The following ANKRD17 variants were observed in gnomAD, a reference collection of about 807,000 sequenced individuals.
ANKRD17 encodes ankyrin repeat domain 17.
A neutral mutation model predicts 229.7 loss-of-function variants in ANKRD17; 19 were observed. The ratio of observed to expected loss-of-function variants is 0.08; its 90% CI spans 0.06 to 0.12. The LOEUF (loss-of-function observed/expected upper bound fraction) is 0.12. Ranked by LOEUF, ANKRD17 falls within the 10% of genes least tolerant of loss-of-function variation. The pLI, the probability that ANKRD17 is intolerant of heterozygous loss-of-function variation, is 1.00. For synonymous variants in ANKRD17, 1,112 were observed against 1,146.1 expected, an observed-to-expected ratio of 0.97 and a Z score of 0.60; for missense variants, 2,176 against 3,176.8, an observed-to-expected ratio of 0.68 and a Z score of 7.57.
chr4:73,205,434 ATC>A (rs745809539), intron 1 of ANKRD17, among the ~76,000 whole-genome samples: 34 of 152,244 alleles, frequency 2.2e-4, no homozygotes, highest in Non-Finnish European at 4.9e-4. Context: ...CCAGAAATCA[ATC>A]TACCCATTTT....
chr4:73,200,399 C>A (rs1738497458), intron 1 of ANKRD17, among the ~76,000 whole-genome samples: 1 of 152,014 alleles, frequency 6.6e-6, no homozygotes, highest in Non-Finnish European at 1.5e-5. Flanking sequence ...AAGTGTAAGA[C>A]GAGCCTGAGT....
At chr4:73,209,447 C>A (rs1196124807) in intron 1 of ANKRD17, among the ~76,000 whole-genome samples, 1 of 152,046 alleles carries the variant, frequency 6.6e-6, no homozygotes, top group African/African-American at 2.4e-5. Flanking sequence ...TTTATCAAAT[C>A]TGACAGAAAA....
chr4:73,244,631 A>G (rs1244635247), intron 1 of ANKRD17, among the ~76,000 whole-genome samples: 1 of 152,152 alleles, frequency 6.6e-6, no homozygotes, highest in Non-Finnish European at 1.5e-5. Flanking sequence ...CCTCTGGAGT[A>G]GCACATAAAA....
At position 73,074,123 on chromosome 4, in the gene ANKRD17, G is replaced by C. The variant is rs1720867274; in HGVS notation, c.*2108C>G. ...CCTGATCCCCAAGACTAAATACGGA[G>C]CATTTCAATCTATATCCCCTGGCCC... is the stretch of plus-strand genomic sequence containing the variant. On this transcript the variant is annotated 3_prime_UTR_variant, in exon 34 of 34. Transcript: ENST00000358602. 6.6e-6 allele frequency: 1 copy of C among 151,930 alleles called. No homozygotes were observed. The highest frequency in any genetic ancestry group is 2.4e-5 in the African/African-American group (1 of 41,406). The allele number at this position is 151,930 out of a possible 1,614,324, so 9.4% of individuals were successfully genotyped here.
At chr4:73,180,853 C>T (rs1171627312) in intron 1 of ANKRD17, among the ~76,000 whole-genome samples, 3 of 152,136 alleles carry the variant, frequency 2.0e-5, no homozygotes, top group African/African-American at 7.2e-5. Context: ...TAACTTTAGA[C>T]CCCCAATTCT....
chr4:73,126,281 A>C (rs1727457740), intron 16 of ANKRD17, among the ~76,000 whole-genome samples: 1 of 152,124 alleles, frequency 6.6e-6, no homozygotes, highest in Non-Finnish European at 1.5e-5. Context: ...AGGCCAGGAA[A>C]GGACCACCAG....
intron 28 of ANKRD17, 53 bp from the exon 29 acceptor site, chr4:73,092,353 T>C: frequency 6.9e-7 from 1 of 1,443,610 alleles, no homozygotes; most frequent in East Asian, 2.3e-5. Flanking sequence ...TTTGAGTATG[T>C]AAAGTGTTTT....
chr4:73,232,376 G>A (rs1015698240), intron 1 of ANKRD17, among the ~76,000 whole-genome samples: 2 of 152,128 alleles, frequency 1.3e-5, no homozygotes, highest in African/African-American at 4.8e-5. Flanking sequence ...CTTATTTAGA[G>A]GCACTGGAAG....
intron 3 of ANKRD17, among the ~76,000 whole-genome samples, chr4:73,156,480 T>C (rs1450316130): frequency 6.6e-6 from 1 of 152,190 alleles, no homozygotes; most frequent in Non-Finnish European, 1.5e-5. Context: ...CCAAATCTCA[T>C]GTTAAATTGT....
chr4:73,133,538 G>T (rs1728510196), intron 16 of ANKRD17, among the ~76,000 whole-genome samples: 2 of 151,704 alleles, frequency 1.3e-5, no homozygotes, highest in Admixed American at 6.6e-5. Flanking sequence ...TTACAGGCAT[G>T]CGCCACAATG....
Position 73,139,734 on chromosome 4 carries a change from G to A in ANKRD17, c.2882C>T (p.Ala961Val). 6.2e-7 allele frequency: 1 copy of A among 1,614,202 alleles called. No individual in the cohort carries two copies. ...APIQPLAMPQ[A>V]LPLAAGPLPP... Reference sequence around the variant, plus strand: ...CAAGGGACCTGCCGCCAGAGGCAAAGCTTGAGGCATCGCCAGAGGCTGGAT... The same window carrying A: ...CAAGGGACCTGCCGCCAGAGGCAAAACTTGAGGCATCGCCAGAGGCTGGAT... The change falls in exon 15 of 34, where the codon GCT (alanine) becomes GTT (valine). Residue 961 changes from alanine to valine, a missense_variant. By Grantham distance (64) the Ala-to-Val change is moderately conservative. This residue lies in a region of ANKRD17 where 230 missense variants were observed against 252.3 expected (regional missense o/e 0.91). Coordinates refer to ENST00000358602, the MANE Select transcript of ANKRD17 (RefSeq NM_032217.5).
intron 28 of ANKRD17, among the ~76,000 whole-genome samples, chr4:73,093,874 T>G (rs1723033936): frequency 6.6e-6 from 1 of 152,164 alleles, no homozygotes; most frequent in Admixed American, 6.5e-5. Context: ...CAAATTCCTA[T>G]AAAAGTCTCT....
At chr4:73,246,017 T>A (rs1020747793) in intron 1 of ANKRD17, among the ~76,000 whole-genome samples, 1 of 152,170 alleles carries the variant, frequency 6.6e-6, no homozygotes, top group Non-Finnish European at 1.5e-5. Flanking sequence ...ACAAAAGTTG[T>A]ACACTTCCTA....
At chr4:73,135,533 A>G (rs1578153536) in intron 15 of ANKRD17, among the ~76,000 whole-genome samples, 1 of 152,198 alleles carries the variant, frequency 6.6e-6, no homozygotes, top group East Asian at 1.9e-4. Context: ...AATTCAAAAT[A>G]ACCCTGAAAA....
chr4:73,163,212 A>G (rs1324244537), intron 2 of ANKRD17, among the ~76,000 whole-genome samples: 4 of 152,116 alleles, frequency 2.6e-5, no homozygotes, highest in East Asian at 1.9e-4. Context: ...TGGGGATCCA[A>G]TTCAGTAAGT....
intron 6 of ANKRD17, among the ~76,000 whole-genome samples, chr4:73,153,144 A>G (rs1731218456): frequency 2.0e-5 from 3 of 152,166 alleles, no homozygotes; most frequent in Admixed American, 6.5e-5. Flanking sequence ...TTAGTCACTG[A>G]GAATGAGTGC....
rs1726631693 is a variant in ANKRD17 at position 73,120,795 on chromosome 4, A to G, written c.3849+86T>C. ...TAGGAGATAAATGTTACTAGAAAGA[A>G]CTAAAATTATAATCAACATGTTGCT... On this transcript the variant is annotated intron_variant, in intron 20 of 33. Coordinates refer to ENST00000358602, the MANE Select transcript of ANKRD17 (RefSeq NM_032217.5). The G allele has an allele frequency of 4.2e-6, 5 of 1,183,650 alleles. No individual in the cohort carries two copies. The Admixed American group carries it at 1.2e-4, about 28-fold the overall frequency. 73.3% of individuals were successfully genotyped at this position (1,183,650 alleles called of 1,614,324 possible).
chr4:73,192,289 A>G (rs2149069591), intron 1 of ANKRD17, among the ~76,000 whole-genome samples: 1 of 152,248 alleles, frequency 6.6e-6, no homozygotes, highest in South Asian at 2.1e-4. Flanking sequence ...AAATGGATAC[A>G]TTAATATTGA....
Position 73,147,412 on chromosome 4 carries a change from T to A in ANKRD17, c.1588A>T (p.Thr530Ser). Residue 530 changes from threonine to serine, a missense_variant, in exon 9 of 34, where the codon ACA becomes TCA. Thr to Ser is a moderately conservative substitution (Grantham distance 58). This residue lies in a region of ANKRD17 where 42 missense variants were observed against 141.3 expected (regional missense o/e 0.30). Transcript: ENST00000358602. ...LGQGANINAQ[T>S]EETQETALTL... The stretch of plus-strand genomic sequence containing the variant: ...AAGGCAGTTTCTTGAGTTTCTTCTG[T>A]CTGTGCATTGATATTTGCTCCTAAA... 6.3e-7 allele frequency: 1 copy of A among 1,579,464 alleles called. No individual in the cohort carries two copies. Among genetic ancestry groups the A allele is most frequent in the African/African-American group, 1.4e-5 (1 of 73,018 alleles).
Sources: gnomAD v4.1 joint callset for allele counts (sites outside exome capture counted in the v4.1 genomes callset) on GRCh38, gnomAD v4.1.1 for gene constraint, gnomAD v4.1.1 regional missense constraint, MANE v1.5 for transcripts, NCBI Gene and HGNC (gene_info 2026-07-23, HGNC 2026-07-21) for gene names.